The following MDM4 variants were observed in gnomAD, a reference collection of about 807,000 sequenced individuals.
MDM4 encodes MDM4 regulator of p53.
A neutral mutation model predicts 60.2 loss-of-function variants in MDM4; 2 were observed. That is an observed-to-expected ratio of 0.03 (90% CI 0.01 to 0.10). The LOEUF (loss-of-function observed/expected upper bound fraction) is 0.10. Ranked by LOEUF, MDM4 falls within the 10% of genes least tolerant of loss-of-function variation. The pLI is 1.00. For synonymous variants in MDM4, 202 were observed against 198.1 expected, an observed-to-expected ratio of 1.02 and a Z score of -0.17; for missense variants, 447 against 577.5, an observed-to-expected ratio of 0.77 and a Z score of 2.32.
At chr1:204,537,747 GT>G in intron 6 of MDM4, 1 of 599,902 alleles carries the variant, frequency 1.7e-6, no homozygotes. Flanking sequence ...TTTTCTTTGG[GT>G]TTGTGTGTAC....
At chr1:204,539,511 A>C (rs1661796834) in intron 7 of MDM4, among the ~76,000 whole-genome samples, 1 of 151,528 alleles carries the variant, frequency 6.6e-6, no homozygotes, top group South Asian at 2.1e-4. Context: ...AAAATCTGAA[A>C]ACTTGTTTTT....
At chr1:204,536,960 C>T (rs367938164) in intron 5 of MDM4, 267 of 388,986 alleles carry the variant, frequency 6.9e-4, no homozygotes, top group Non-Finnish European at 9.0e-4. Flanking sequence ...ATGAAGCAAA[C>T]GGGGAAAAAT....
In MDM4 at chr1:204,535,379, G is replaced by A. The variant is rs189770744; in HGVS notation, c.344-2051G>A. 2.1e-3 allele frequency among the ~76,000 whole-genome samples: 313 copies of A among 151,816 alleles called. 1 individual carries two copies. The highest frequency in any genetic ancestry group is 7.0e-3 in the African/African-American group (291 of 41,392). Reference sequence around the variant, plus strand: ...TCACCGTGTTAGCCAGGATGGTCTCGATCTCCTGACCTCGTGATCTGCCCG... The same window carrying A: ...TCACCGTGTTAGCCAGGATGGTCTCAATCTCCTGACCTCGTGATCTGCCCG... On this transcript the variant is annotated intron_variant, in intron 5 of 10. Transcript: ENST00000367182.
In MDM4 at chr1:204,554,115, A is replaced by G. The variant is rs182482149; in HGVS notation, c.*4433A>G. ...CATTTGTAACATTTTGTGTGTGTCA[A>G]TTCAATGCAATGTTGGCTGCCTTTT... On this transcript the variant is annotated 3_prime_UTR_variant, in exon 11 of 11. Coordinates refer to ENST00000367182, the MANE Select transcript of MDM4 (RefSeq NM_002393.5). 11 of 229,438 alleles carry G rather than the reference A, an allele frequency of 4.8e-5. No homozygotes were observed. Among genetic ancestry groups the G allele is most frequent in the Admixed American group, 2.8e-4 (5 of 17,682 alleles). The allele number at this position is 229,438 out of a possible 1,614,324, so 14.2% of individuals were successfully genotyped here.
At chr1:204,532,518 A>G in intron 5 of MDM4, 1 of 553,710 alleles carries the variant, frequency 1.8e-6, no homozygotes, top group Admixed American at 3.6e-5. Flanking sequence ...TCTAGCAGAT[A>G]AGGACTTTTT....
At position 204,546,956 on chromosome 1, in the gene MDM4, A is replaced by G. The variant is rs1253609355; in HGVS notation, c.903+79A>G. ...AATCCCAGCAGTTCACTTGTGTTGA[A>G]GAGTGCTGTTTACCCCTCATTTCTG... On this transcript the variant is annotated intron_variant, in intron 10 of 10. Transcript: ENST00000367182. 8 of 881,108 alleles carry G rather than the reference A, an allele frequency of 9.1e-6. No individual in the cohort carries two copies. In the South Asian group the frequency reaches 1.1e-4, roughly 12 times the overall value. 54.6% of individuals were successfully genotyped at this position (881,108 alleles called of 1,614,324 possible).
intron 8 of MDM4, 152 bp from the exon 9 acceptor site, chr1:204,544,383 T>C (rs992147752): frequency 1.6e-4 from 107 of 658,000 alleles, no homozygotes; most frequent in Admixed American, 4.8e-4. Context: ...CAAGTAGATA[T>C]ATGTTGAATG....
intron 7 of MDM4, among the ~76,000 whole-genome samples, chr1:204,541,399 G>A (rs1244808550): frequency 6.6e-6 from 1 of 152,126 alleles, no homozygotes. Flanking sequence ...CCCAAGAGGT[G>A]GAGATTGCAG....
Position 204,551,916 on chromosome 1 carries a change from A to G in MDM4, c.*2234A>G, listed in dbSNP as rs1025594207. The G allele has an allele frequency of 5.3e-6, 1 of 188,880 alleles. No homozygotes were observed. The highest frequency in any genetic ancestry group is 2.3e-5 in the African/African-American group (1 of 42,596). The allele number at this position is 188,880 out of a possible 1,614,324, so 11.7% of individuals were successfully genotyped here. ...AATCTTTTGGCTTCCCTGGTCCACAATGGAAGAAGAATTGTCTTGGACCAC... is the reference window on the plus strand; with the variant it reads ...AATCTTTTGGCTTCCCTGGTCCACAGTGGAAGAAGAATTGTCTTGGACCAC... On this transcript the variant is annotated 3_prime_UTR_variant, in exon 11 of 11. Transcript: ENST00000367182.
chr1:204,547,744 A>C (rs1384804956), intron 10 of MDM4, among the ~76,000 whole-genome samples: 1 of 152,176 alleles, frequency 6.6e-6, no homozygotes, highest in Non-Finnish European at 1.5e-5. Context: ...TTTTTTTGAG[A>C]TGGAGTTTCA....
chr1:204,517,317 G>C (rs1659087024), intron 1 of MDM4, among the ~76,000 whole-genome samples: 2 of 152,092 alleles, frequency 1.3e-5, no homozygotes, highest in Admixed American at 1.3e-4. Flanking sequence ...GGGGCTCAGA[G>C]AAATATATTT....
chr1:204,530,650 G>A, intron 3 of MDM4, 34 bp from the exon 4 acceptor site: 1 of 1,613,276 alleles, frequency 6.2e-7, no homozygotes, highest in South Asian at 1.1e-5. Context: ...GTAGCAGCTG[G>A]ACAGATCACA....
chr1:204,537,015 A>C (rs1426651009), intron 5 of MDM4: 1 of 284,054 alleles, frequency 3.5e-6, no homozygotes, highest in African/African-American at 2.3e-5. Context: ...AACACTTGAA[A>C]GTTGAAATTA....
Position 204,554,553 on chromosome 1 carries a change from T to C in MDM4, c.*4871T>C. The C allele has an allele frequency of 4.4e-6, 1 of 225,738 alleles. No individual in the cohort carries two copies. The highest frequency in any genetic ancestry group is 8.8e-6 in the Non-Finnish European group (1 of 113,238). The allele number at this position is 225,738 out of a possible 1,614,324, so 14.0% of individuals were successfully genotyped here. On this transcript the variant is annotated 3_prime_UTR_variant, in exon 11 of 11. Coordinates refer to ENST00000367182, the MANE Select transcript of MDM4 (RefSeq NM_002393.5). ...ACAGTGTTTACAAATGTCTGGAATT[T>C]TGCACTGCCATAGGGAATGTTAAGG...
At chr1:204,517,628 C>A (rs7546645) in intron 1 of MDM4, among the ~76,000 whole-genome samples, 1 of 152,020 alleles carries the variant, frequency 6.6e-6, no homozygotes, top group Non-Finnish European at 1.5e-5. Context: ...TCTCGAACTC[C>A]AGACCTCAGG....
At chr1:204,525,796 C>G (rs2102317240) in intron 2 of MDM4, among the ~76,000 whole-genome samples, 200 bp downstream of exon 2, 1 of 152,170 alleles carries the variant, frequency 6.6e-6, no homozygotes, top group African/African-American at 2.4e-5. Context: ...AAAAAATTAG[C>G]TAGATGCAGT....
chr1:204,517,241 C>CAA (rs1219951720), intron 1 of MDM4, among the ~76,000 whole-genome samples: 1 of 105,396 alleles, frequency 9.5e-6, no homozygotes, highest in Non-Finnish European at 2.0e-5. Context: ...GATTCCGTCT[C>CAA]AAAAAAAAAA....
intron 1 of MDM4, among the ~76,000 whole-genome samples, chr1:204,523,484 T>TTG (rs1659788659): frequency 8.8e-6 from 1 of 113,768 alleles, no homozygotes; most frequent in Non-Finnish European, 1.9e-5. Flanking sequence ...TTTTTTTTTT[T>TTG]TTTTTTTTTT....
intron 5 of MDM4, among the ~76,000 whole-genome samples, chr1:204,534,622 G>C (rs1661208160): frequency 6.6e-6 from 1 of 151,940 alleles, no homozygotes; most frequent in Non-Finnish European, 1.5e-5. Flanking sequence ...TCAGTAGCTG[G>C]GACTACAGGA....
Sources: allele counts gnomAD v4.1 joint callset (sites outside exome capture counted in the v4.1 genomes callset), GRCh38; gene constraint gnomAD v4.1.1; transcripts MANE v1.5; gene names NCBI Gene and HGNC (gene_info 2026-07-23, HGNC 2026-07-21).